CNTN5: variants seen among roughly 807,000 people sequenced by gnomAD.
The protein encoded by CNTN5 is contactin 5.
In CNTN5, 77 loss-of-function variants were observed where a neutral mutation model predicts 129.1. That is an observed-to-expected ratio of 0.60 (90% CI 0.50 to 0.72). CNTN5 has a LOEUF of 0.72. Among genes scored for constraint, CNTN5 ranks in the 30% least tolerant of loss-of-function variants. CNTN5 has a pLI of 0.00. For synonymous variants in CNTN5, 509 were observed against 465.6 expected, an observed-to-expected ratio of 1.09 and a Z score of -1.20; for missense variants, 1,478 against 1,328.8, an observed-to-expected ratio of 1.11 and a Z score of -1.75.
chr11:99,934,898 GTATATATATATA>G lies in CNTN5; in HGVS notation c.673+18788_673+18799del, dbSNP rs200635742. 2.5e-3 allele frequency among the ~76,000 whole-genome samples: 173 copies of G among 67,910 alleles called. 2 individuals carry two copies. Among genetic ancestry groups the G allele is most frequent in the African/African-American group, 0.012 (118 of 9,952 alleles). 44.6% of individuals were successfully genotyped at this position (67,910 alleles called of 152,430 possible). ...TGTGTGTGTGTGTGTGTGTGTGTGT[GTATATATATATA>G]TATATATATATATATATATATATAT... On this transcript the variant is annotated intron_variant, in intron 7 of 24. Coordinates refer to ENST00000524871, the MANE Select transcript of CNTN5 (RefSeq NM_014361.4).
intron 1 of CNTN5, among the ~76,000 whole-genome samples, chr11:99,085,957 C>G (rs1865989337): frequency 6.6e-6 from 1 of 152,120 alleles, no homozygotes; most frequent in East Asian, 1.9e-4. Context: ...GTATTCAGAA[C>G]AGTAACACAC....
At chr11:99,571,658 A>G (rs1949177640) in intron 3 of CNTN5, among the ~76,000 whole-genome samples, 1 of 152,172 alleles carries the variant, frequency 6.6e-6, no homozygotes, top group Non-Finnish European at 1.5e-5. Flanking sequence ...GTCAATGAGT[A>G]AAAGATGCAG....
chr11:99,034,929 A>G (rs1863631029), intron 1 of CNTN5, among the ~76,000 whole-genome samples: 1 of 149,742 alleles, frequency 6.7e-6, no homozygotes, highest in South Asian at 2.2e-4. Flanking sequence ...TTCCCTGTAC[A>G]CACTGCTTTG....
At chr11:99,264,809 A>G (rs1862810498) in intron 1 of CNTN5, among the ~76,000 whole-genome samples, 1 of 152,078 alleles carries the variant, frequency 6.6e-6, no homozygotes, top group Admixed American at 6.6e-5. Flanking sequence ...GCAGTAAACT[A>G]AAATTTACCA....
At chr11:99,380,285 T>C (rs1591599762) in intron 2 of CNTN5, among the ~76,000 whole-genome samples, 1 of 152,156 alleles carries the variant, frequency 6.6e-6, no homozygotes. Context: ...ATGAAATTAG[T>C]ATCACAAAAT....
intron 8 of CNTN5, among the ~76,000 whole-genome samples, chr11:99,962,062 A>G (rs971228169): frequency 6.6e-6 from 1 of 152,210 alleles, no homozygotes; most frequent in Non-Finnish European, 1.5e-5. Context: ...GTGCTTATAG[A>G]GTGATTACAA....
At chr11:99,112,892 A>T (rs553414666) in intron 1 of CNTN5, among the ~76,000 whole-genome samples, 63 of 151,610 alleles carry the variant, frequency 4.2e-4, no homozygotes, top group Middle Eastern at 6.8e-3. Flanking sequence ...CCCTTTTTTT[A>T]AAAAAAATTA....
chr11:99,970,876 T>C (rs2136225623), intron 8 of CNTN5, among the ~76,000 whole-genome samples: 1 of 152,278 alleles, frequency 6.6e-6, no homozygotes, highest in Admixed American at 6.5e-5. Flanking sequence ...TCAATAGTTT[T>C]TCACTCCAAG....
At chr11:100,179,192 A>G (rs555971793) in intron 13 of CNTN5, among the ~76,000 whole-genome samples, 58 of 152,120 alleles carry the variant, frequency 3.8e-4, no homozygotes, top group African/African-American at 1.4e-3. Flanking sequence ...TTTTGTACCC[A>G]TTAACTATCG....
chr11:99,651,317 G>A (rs552535017), intron 3 of CNTN5, among the ~76,000 whole-genome samples: 8 of 151,930 alleles, frequency 5.3e-5, no homozygotes, highest in African/African-American at 1.4e-4. Context: ...CAATTGGAGA[G>A]TGCAGAAAGG....
At chr11:99,829,040 G>A (rs1947056846) in intron 4 of CNTN5, among the ~76,000 whole-genome samples, 1 of 152,072 alleles carries the variant, frequency 6.6e-6, no homozygotes, top group African/African-American at 2.4e-5. Flanking sequence ...CAAATTTAGT[G>A]ATTATGTTGT....
At chr11:99,818,972 G>A (rs1946683158) in intron 3 of CNTN5, among the ~76,000 whole-genome samples, 1 of 151,944 alleles carries the variant, frequency 6.6e-6, no homozygotes, top group Non-Finnish European at 1.5e-5. Context: ...ATTACTTAGA[G>A]CCTAGTTAAA....
intron 3 of CNTN5, among the ~76,000 whole-genome samples, chr11:99,649,688 T>G (rs1318644446): frequency 6.6e-6 from 1 of 151,686 alleles, no homozygotes; most frequent in Non-Finnish European, 1.5e-5. Flanking sequence ...GGAGAGAAAT[T>G]TCATTTGTTT....
chr11:100,055,487 G>T (rs953435520), intron 9 of CNTN5, among the ~76,000 whole-genome samples: 1 of 151,386 alleles, frequency 6.6e-6, no homozygotes, highest in African/African-American at 2.4e-5. Context: ...TGAAAAACTT[G>T]TTCAATATTT....
chr11:99,235,639 A>G (rs1591395924), intron 1 of CNTN5, among the ~76,000 whole-genome samples: 1 of 152,292 alleles, frequency 6.6e-6, no homozygotes, highest in East Asian at 1.9e-4. Context: ...ATATAGTCTG[A>G]GTACCTTATT....
At chr11:99,583,191 T>C (rs1342397504) in intron 3 of CNTN5, among the ~76,000 whole-genome samples, 3 of 152,210 alleles carry the variant, frequency 2.0e-5, no homozygotes. Flanking sequence ...GGAAGTTTTG[T>C]CTCAGAGGAG....
chr11:100,254,246 T>C (rs1950024589), intron 16 of CNTN5, among the ~76,000 whole-genome samples: 1 of 151,392 alleles, frequency 6.6e-6, no homozygotes, highest in African/African-American at 2.5e-5. Flanking sequence ...ACTTTTATCA[T>C]GTGCTATTCC....
At chr11:99,879,174 G>T (rs575526209) in intron 6 of CNTN5, among the ~76,000 whole-genome samples, 2 of 152,106 alleles carry the variant, frequency 1.3e-5, no homozygotes, top group African/African-American at 4.8e-5. Context: ...TTGACATCAG[G>T]TGATCCACCC....
chr11:99,258,755 A>G (rs4754596), intron 1 of CNTN5, among the ~76,000 whole-genome samples: 91,734 of 151,650 alleles, frequency 0.6, 28,300 homozygotes, highest in East Asian at 0.74. Context: ...AAAATAAAAA[A>G]GAAAATTATT....
Sources: allele counts gnomAD v4.1 joint callset (sites outside exome capture counted in the v4.1 genomes callset), GRCh38; gene constraint gnomAD v4.1.1; transcripts MANE v1.5; gene names NCBI Gene and HGNC (gene_info 2026-07-23, HGNC 2026-07-21).